The following ULK4 variants were observed in gnomAD, a reference collection of about 807,000 sequenced individuals.
ULK4 encodes the protein unc-51 like kinase 4, also known as inactive serine/threonine-protein kinase ULK4.
In ULK4, 133 loss-of-function variants were observed where a neutral mutation model predicts 160.6. The ratio of observed to expected loss-of-function variants is 0.83; its 90% CI spans 0.72 to 0.96. The LOEUF (loss-of-function observed/expected upper bound fraction) is 0.96. Among genes scored for constraint, ULK4 ranks in the 40% least tolerant of loss-of-function variants. The probability of loss-of-function intolerance (pLI) is 0.00; values close to 1 mark genes in which losing one functional copy is unlikely to be tolerated. For synonymous variants in ULK4, 534 were observed against 539.8 expected (o/e 0.99, Z 0.15); for missense variants, 1,580 against 1,499.5 (o/e 1.05, Z -0.89).
chr3:41,436,158 T>G (rs374081844), intron 34 of ULK4, among the ~76,000 whole-genome samples: 4 of 152,294 alleles, frequency 2.6e-5, no homozygotes, highest in African/African-American at 7.2e-5. Flanking sequence ...CAACACTTTA[T>G]TATAAAACAG....
At chr3:41,853,427 TAGAG>T (rs2042262398) in intron 17 of ULK4, among the ~76,000 whole-genome samples, 2 of 152,216 alleles carry the variant, frequency 1.3e-5, no homozygotes, top group South Asian at 4.1e-4. Context: ...AATGTTAAAA[TAGAG>T]AGCATTAAGA....
intron 27 of ULK4, among the ~76,000 whole-genome samples, chr3:41,700,193 CAG>C (rs1015420434): frequency 1.3e-5 from 2 of 152,088 alleles, no homozygotes; most frequent in African/African-American, 4.8e-5. Flanking sequence ...GCTCTGAAAA[CAG>C]GGGGAGCTTT....
intron 19 of ULK4, among the ~76,000 whole-genome samples, chr3:41,812,955 T>G (rs1236817313): frequency 6.6e-6 from 1 of 152,228 alleles, no homozygotes; most frequent in Non-Finnish European, 1.5e-5. Context: ...AAGCTGGAAA[T>G]AGCCCCTAGA....
chr3:41,702,538 T>C (rs183729051), intron 27 of ULK4, among the ~76,000 whole-genome samples: 10 of 152,204 alleles, frequency 6.6e-5, no homozygotes, highest in East Asian at 5.8e-4. Flanking sequence ...TGAAAAAACA[T>C]ATAGCAGGCA....
intron 18 of ULK4, among the ~76,000 whole-genome samples, chr3:41,831,666 A>G (rs2041594938): frequency 6.6e-6 from 1 of 151,860 alleles, no homozygotes; most frequent in Admixed American, 6.6e-5. Flanking sequence ...CCCCAAATGC[A>G]TTTGGTAATT....
At chr3:41,463,298 A>G in intron 32 of ULK4, 45 bp from the exon 33 acceptor site, 2 of 1,580,152 alleles carry the variant, frequency 1.3e-6, no homozygotes, top group Non-Finnish European at 1.7e-6. Context: ...CATTAAGTAC[A>G]CAAATGTGTC....
intron 27 of ULK4, among the ~76,000 whole-genome samples, chr3:41,696,256 T>C (rs557789943): frequency 6.6e-6 from 1 of 152,352 alleles, no homozygotes; most frequent in East Asian, 1.9e-4. Context: ...CTAGTCCACC[T>C]TCATGTTCCA....
chr3:41,858,365 TG>T (rs925469034), intron 17 of ULK4, among the ~76,000 whole-genome samples: 1 of 151,648 alleles, frequency 6.6e-6, no homozygotes, highest in African/African-American at 2.4e-5. Flanking sequence ...TTGGCCAGGC[TG>T]GTCTCCAACT....
chr3:41,742,605 G>A (rs752348222), intron 22 of ULK4, among the ~76,000 whole-genome samples: 7 of 151,874 alleles, frequency 4.6e-5, no homozygotes, highest in South Asian at 4.1e-4. Context: ...CAAGAAAATC[G>A]CATGAATCAA....
chr3:41,499,797 C>T (rs1378579767), intron 32 of ULK4, among the ~76,000 whole-genome samples: 5 of 152,026 alleles, frequency 3.3e-5, no homozygotes, highest in Admixed American at 6.6e-5. Context: ...GCATTAAAGT[C>T]CTTCTTTAAT....
chr3:41,954,682 T>A lies in ULK4; in HGVS notation c.78A>T (p.Thr26=). ...TACAAAGAATGGCTACAAAATTGAT[T>A]GTTCCCTTCCGTCGCCCTTTATAGA... ...TVVYKGRRKG[T]INFVAILCTD... Residue 26 remains threonine (T), a synonymous_variant, in exon 2 of 37, where the codon ACA becomes ACT. Transcript: ENST00000301831. 1.2e-6 allele frequency: 2 copies of A among 1,614,056 alleles called. No individual in the cohort carries two copies. Among genetic ancestry groups the A allele is most frequent in the Non-Finnish European group, 1.7e-6 (2 of 1,179,950 alleles).
At chr3:41,858,830 A>C (rs1312094458) in intron 17 of ULK4, among the ~76,000 whole-genome samples, 3 of 151,952 alleles carry the variant, frequency 2.0e-5, no homozygotes, top group Non-Finnish European at 4.4e-5. Context: ...CCCCCATAGA[A>C]AGCAGAAAAA....
chr3:41,881,461 T>C (rs1327243363), intron 17 of ULK4, among the ~76,000 whole-genome samples: 1 of 152,204 alleles, frequency 6.6e-6, no homozygotes, highest in Non-Finnish European at 1.5e-5. Flanking sequence ...CACAGCCAAT[T>C]GCTCACAGCA....
intron 27 of ULK4, among the ~76,000 whole-genome samples, chr3:41,691,352 C>A (rs2036291195): frequency 6.6e-6 from 1 of 151,904 alleles, no homozygotes. Flanking sequence ...AAGGTCAAAC[C>A]ACAAACTTGA....
intron 32 of ULK4, among the ~76,000 whole-genome samples, chr3:41,473,635 C>G (rs1033735569): frequency 2.4e-5 from 3 of 122,952 alleles, no homozygotes; most frequent in African/African-American, 9.9e-5. Flanking sequence ...GCACTCCAGG[C>G]TGGGCAACAG....
chr3:41,798,251 C>A (rs1468628018), intron 20 of ULK4, among the ~76,000 whole-genome samples: 3 of 152,058 alleles, frequency 2.0e-5, no homozygotes, highest in Non-Finnish European at 4.4e-5. Context: ...ATAAAGTAAG[C>A]CCAATTAAAA....
At chr3:41,280,133 A>G (rs1046682209) in intron 35 of ULK4, among the ~76,000 whole-genome samples, 1 of 152,222 alleles carries the variant, frequency 6.6e-6, no homozygotes, top group Non-Finnish European at 1.5e-5. Context: ...TATGCACCCA[A>G]TACAGGAGCA....
At chr3:41,578,551 G>A (rs1432217566) in intron 31 of ULK4, among the ~76,000 whole-genome samples, 3 of 152,126 alleles carry the variant, frequency 2.0e-5, no homozygotes, top group Non-Finnish European at 4.4e-5. Flanking sequence ...ATAATCTTTT[G>A]TGTCTTTACT....
intron 12 of ULK4, among the ~76,000 whole-genome samples, chr3:41,902,064 G>C (rs1214545746): frequency 6.9e-6 from 1 of 144,780 alleles, no homozygotes; most frequent in Non-Finnish European, 1.5e-5. Flanking sequence ...TCCCAACAGG[G>C]AAAAAAAAAA....
Sources: gnomAD v4.1 joint callset for allele counts (sites outside exome capture counted in the v4.1 genomes callset) on GRCh38, gnomAD v4.1.1 for gene constraint, MANE v1.5 for transcripts, NCBI Gene and HGNC (gene_info 2026-07-23, HGNC 2026-07-21) for gene names.